The following SHANK2 variants were observed in gnomAD, a reference collection of about 807,000 sequenced individuals.
SHANK2 encodes SH3 and multiple ankyrin repeat domains protein 2.
A neutral mutation model predicts 133.7 loss-of-function variants in SHANK2; 43 were observed. The ratio of observed to expected loss-of-function variants is 0.32; its 90% CI spans 0.25 to 0.41. The LOEUF is 0.41. Among genes scored for constraint, SHANK2 ranks in the 10% least tolerant of loss-of-function variants. The pLI, the probability that SHANK2 is intolerant of heterozygous loss-of-function variation, is 1.00. For missense variants in SHANK2, 1,994 were observed against 2,235.8 expected (o/e 0.89, Z 2.18); for synonymous variants, 1,017 against 952.8 (o/e 1.07, Z -1.24).
intron 2 of SHANK2, among the ~76,000 whole-genome samples, chr11:71,172,222 T>A (rs536934669): frequency 3.7e-4 from 56 of 152,136 alleles, no homozygotes; most frequent in Non-Finnish European, 6.5e-4. Flanking sequence ...TTCCCTGACC[T>A]CACACAAGGA....
intron 14 of SHANK2, among the ~76,000 whole-genome samples, chr11:70,781,557 A>ATTAT (rs1240107003): frequency 9.3e-4 from 23 of 24,818 alleles, no homozygotes; most frequent in South Asian, 2.4e-3. Context: ...TTACTTACTT[A>ATTAT]TTATATATAT....
intron 10 of SHANK2, among the ~76,000 whole-genome samples, chr11:70,951,717 C>T (rs1950847688): frequency 6.6e-6 from 1 of 152,190 alleles, no homozygotes. Flanking sequence ...TCTACTCTCA[C>T]AGTTCTGGAG....
At chr11:70,530,888 G>A (rs539537509) in intron 17 of SHANK2, among the ~76,000 whole-genome samples, 1 of 152,078 alleles carries the variant, frequency 6.6e-6, no homozygotes, top group Non-Finnish European at 1.5e-5. Context: ...GATTTTGTCC[G>A]GGCTTGGTGG....
chr11:70,949,703 G>A (rs1312809879), intron 10 of SHANK2, among the ~76,000 whole-genome samples: 2 of 152,178 alleles, frequency 1.3e-5, no homozygotes, highest in African/African-American at 4.8e-5. Context: ...ACACTCGCTG[G>A]CACTGCCCTG....
At chr11:70,754,809 C>G (rs116243210) in intron 14 of SHANK2, among the ~76,000 whole-genome samples, 2 of 152,270 alleles carry the variant, frequency 1.3e-5, no homozygotes, top group Admixed American at 1.3e-4. Context: ...TGCTGAACAC[C>G]TTCCAGACAG....
chr11:70,510,371 T>C (rs955418900), intron 17 of SHANK2, among the ~76,000 whole-genome samples: 1 of 152,184 alleles, frequency 6.6e-6, no homozygotes, highest in African/African-American at 2.4e-5. Flanking sequence ...GAGTGGGCAG[T>C]GCAGGCTGGA....
At chr11:70,676,778 C>T (rs781901899) in intron 15 of SHANK2, among the ~76,000 whole-genome samples, 7 of 152,264 alleles carry the variant, frequency 4.6e-5, no homozygotes, top group Non-Finnish European at 8.8e-5. Flanking sequence ...TGACCCAGCC[C>T]TTATTCCTTC....
chr11:71,106,012 A>G (rs562690877), intron 6 of SHANK2, among the ~76,000 whole-genome samples: 116 of 152,336 alleles, frequency 7.6e-4, no homozygotes, highest in African/African-American at 2.4e-3. Context: ...TGAGGATCAC[A>G]ACTGGTTCAC....
At chr11:71,127,411 A>C (rs1555102915) in intron 3 of SHANK2, among the ~76,000 whole-genome samples, 1 of 152,244 alleles carries the variant, frequency 6.6e-6, no homozygotes, top group Non-Finnish European at 1.5e-5. Context: ...GTAAAATGCT[A>C]TCAAACAGCA....
intron 2 of SHANK2, among the ~76,000 whole-genome samples, chr11:71,217,711 A>C (rs1954441983): frequency 6.6e-6 from 1 of 152,242 alleles, no homozygotes. Flanking sequence ...TTTGTGTCTT[A>C]GTTTTTAACA....
At chr11:70,581,160 C>T (rs1045227016) in intron 17 of SHANK2, among the ~76,000 whole-genome samples, 3 of 152,154 alleles carry the variant, frequency 2.0e-5, no homozygotes, top group African/African-American at 7.2e-5. Flanking sequence ...TCAGGGACGA[C>T]GGCAAAAGTA....
chr11:70,872,723 G>A (rs531334617), intron 11 of SHANK2, among the ~76,000 whole-genome samples: 2 of 152,190 alleles, frequency 1.3e-5, no homozygotes, highest in Non-Finnish European at 1.5e-5. Context: ...GGCCACCTGC[G>A]GGTCCCTGTT....
At chr11:70,716,010 C>T (rs1048441052) in intron 14 of SHANK2, among the ~76,000 whole-genome samples, 1 of 152,164 alleles carries the variant, frequency 6.6e-6, no homozygotes, top group South Asian at 2.1e-4. Flanking sequence ...ACCCCTGCCC[C>T]CTATGCCTGC....
intron 5 of SHANK2, among the ~76,000 whole-genome samples, chr11:71,110,950 A>G (rs1951883392): frequency 6.6e-6 from 1 of 152,210 alleles, no homozygotes; most frequent in African/African-American, 2.4e-5. Flanking sequence ...TGTCCCTGCA[A>G]AAGAGGTCCC....
At chr11:70,948,318 G>A (rs1326921932) in intron 10 of SHANK2, 1 of 457,192 alleles carries the variant, frequency 2.2e-6, no homozygotes, top group East Asian at 6.9e-5. Context: ...CACTTCCAGA[G>A]AGCAGAGTGT....
rs78435743 is a variant in SHANK2 at position 71,122,751 on chromosome 11, A to G, written c.208-3719T>C. On this transcript the variant is annotated intron_variant, in intron 3 of 25. Coordinates refer to ENST00000601538, the MANE Select transcript of SHANK2 (RefSeq NM_012309.5). ...GTGTGTCCCATCTGCAAACCCAGCA[A>G]TGCTAAGATTTCTGGTAAGCCCCCA... 7.3e-3 allele frequency among the ~76,000 whole-genome samples: 1,111 copies of G among 152,250 alleles called. 6 individuals carry two copies. Among genetic ancestry groups the G allele is most frequent in the Middle Eastern group, 0.041 (12 of 294 alleles).
chr11:71,122,621 A>G (rs1288154327), intron 3 of SHANK2, among the ~76,000 whole-genome samples: 1 of 152,180 alleles, frequency 6.6e-6, no homozygotes, highest in Middle Eastern at 3.2e-3. Flanking sequence ...CATTGTGCAC[A>G]TGTACCCTAG....
At chr11:71,251,318 C>A (rs1248762931) in intron 1 of SHANK2, among the ~76,000 whole-genome samples, 1 of 152,228 alleles carries the variant, frequency 6.6e-6, no homozygotes, top group African/African-American at 2.4e-5. Context: ...CCGCGCTGCA[C>A]CCCCACGCCA....
chr11:71,136,640 T>G (rs1420385271), intron 3 of SHANK2, among the ~76,000 whole-genome samples: 1 of 152,222 alleles, frequency 6.6e-6, no homozygotes, highest in African/African-American at 2.4e-5. Flanking sequence ...AAAAGCTGAT[T>G]ATGCTGAGTC....
Sources: allele counts gnomAD v4.1 joint callset (sites outside exome capture counted in the v4.1 genomes callset), GRCh38; gene constraint gnomAD v4.1.1; transcripts MANE v1.5; gene names NCBI Gene and HGNC (gene_info 2026-07-23, HGNC 2026-07-21).